The following PAN3 variants were observed in gnomAD, a reference collection of about 807,000 sequenced individuals.
PAN3 encodes PAN2-PAN3 deadenylation complex subunit PAN3.
A neutral mutation model predicts 96.2 loss-of-function variants in PAN3; 19 were observed. That is an observed-to-expected ratio of 0.20 (90% CI 0.14 to 0.29). The LOEUF (loss-of-function observed/expected upper bound fraction) is 0.29. Among genes scored for constraint, PAN3 ranks in the 10% least tolerant of loss-of-function variants. The pLI is 1.00. For missense variants in PAN3, 882 were observed against 1,108.1 expected (o/e 0.80, Z 2.90); for synonymous variants, 433 against 406.6 (o/e 1.06, Z -0.78).
chr13:28,167,077 T>C (rs1043671326), intron 1 of PAN3, among the ~76,000 whole-genome samples: 1 of 149,870 alleles, frequency 6.7e-6, no homozygotes, highest in Non-Finnish European at 1.5e-5. Flanking sequence ...TTATTTTTTA[T>C]CTTAATTTTT....
chr13:28,213,689 T>C (rs1277705374), intron 5 of PAN3, among the ~76,000 whole-genome samples: 3 of 146,668 alleles, frequency 2.0e-5, no homozygotes, highest in Admixed American at 6.7e-5. Context: ...AAGAAATGTT[T>C]TTGAAAAAAC....
intron 6 of PAN3, among the ~76,000 whole-genome samples, chr13:28,240,422 G>A (rs971914225): frequency 4.6e-5 from 7 of 152,026 alleles, no homozygotes; most frequent in African/African-American, 1.2e-4. Flanking sequence ...GTGTGATAAC[G>A]CATATAATTT....
chr13:28,233,918 G>T (rs76146740), intron 6 of PAN3, among the ~76,000 whole-genome samples: 1 of 152,140 alleles, frequency 6.6e-6, no homozygotes, highest in Non-Finnish European at 1.5e-5. Flanking sequence ...ATTAACCAAA[G>T]ATGTGTATCA....
Position 28,142,612 on chromosome 13 carries a change from C to T in PAN3, c.430+3525C>T, listed in dbSNP as rs190247322. On this transcript the variant is annotated intron_variant, in intron 1 of 18. Coordinates refer to ENST00000380958, the MANE Select transcript of PAN3 (RefSeq NM_175854.8). ...GTAGAGATGAGGTTTCCCCATGTTG[C>T]CCAGGCCGGTCTCAAACTTCTGGGC... Among the ~76,000 whole-genome samples the T allele has an allele frequency of 2.1e-3, 315 of 150,980 alleles. 2 individuals are homozygous for T. Among genetic ancestry groups the T allele is most frequent in the African/African-American group, 7.4e-3 (302 of 40,872 alleles).
chr13:28,258,804 A>G (rs1291280128), intron 7 of PAN3, among the ~76,000 whole-genome samples: 1 of 152,188 alleles, frequency 6.6e-6, no homozygotes, highest in Non-Finnish European at 1.5e-5. Context: ...AGTCCCTGAT[A>G]TAGAATGACA....
At position 28,248,672 on chromosome 13, in the gene PAN3, A is replaced by G. The variant is rs557095404; in HGVS notation, c.1001-7620A>G. Among the ~76,000 whole-genome samples, 30 of 152,150 alleles carry G rather than the reference A, an allele frequency of 2.0e-4. No individual in the cohort carries two copies. The South Asian group carries it at 3.3e-3, about 17-fold the overall frequency. On this transcript the variant is annotated intron_variant, in intron 6 of 18. Coordinates refer to ENST00000380958, the MANE Select transcript of PAN3 (RefSeq NM_175854.8). ...CCTGAGTAGCTGGGACTACAGGCGCATACCACCATACCCTAATTTTTTGAA... is the reference window on the plus strand; with the variant it reads ...CCTGAGTAGCTGGGACTACAGGCGCGTACCACCATACCCTAATTTTTTGAA...
At chr13:28,217,654 A>G (rs1033957357) in intron 5 of PAN3, among the ~76,000 whole-genome samples, 1 of 152,080 alleles carries the variant, frequency 6.6e-6, no homozygotes, top group Admixed American at 6.6e-5. Flanking sequence ...CTATTGAATG[A>G]ACATTAATTT....
chr13:28,279,511 G>C (rs982463342), intron 15 of PAN3, among the ~76,000 whole-genome samples: 1 of 152,054 alleles, frequency 6.6e-6, no homozygotes, highest in African/African-American at 2.4e-5. Context: ...TGTAATCCCA[G>C]TGCTTTGGGA....
chr13:28,148,175 C>T (rs1014779095), intron 1 of PAN3, among the ~76,000 whole-genome samples: 2 of 152,082 alleles, frequency 1.3e-5, no homozygotes, highest in African/African-American at 4.8e-5. Flanking sequence ...AGGCTGTTCT[C>T]TAACTCCTGG....
At chr13:28,185,228 T>C (rs1446323868) in intron 4 of PAN3, among the ~76,000 whole-genome samples, 1 of 152,174 alleles carries the variant, frequency 6.6e-6, no homozygotes, top group Non-Finnish European at 1.5e-5. Context: ...CTGTTGGTTA[T>C]CTCCAGTCTC....
intron 14 of PAN3, among the ~76,000 whole-genome samples, chr13:28,276,457 T>G (rs1204432788): frequency 1.3e-5 from 2 of 152,190 alleles, no homozygotes; most frequent in Admixed American, 6.5e-5. Context: ...CCATACTGTT[T>G]CCTGGAGTTA....
At chr13:28,152,200 G>C (rs1451609375) in intron 1 of PAN3, among the ~76,000 whole-genome samples, 2 of 152,008 alleles carry the variant, frequency 1.3e-5, no homozygotes, top group Non-Finnish European at 2.9e-5. Context: ...TCATTTGACA[G>C]GTTAAAACTA....
At chr13:28,227,697 A>G (rs1217449534) in intron 6 of PAN3, among the ~76,000 whole-genome samples, 1 of 152,212 alleles carries the variant, frequency 6.6e-6, no homozygotes, top group African/African-American at 2.4e-5. Flanking sequence ...AGGACAGTAA[A>G]GAGACAGAAA....
At chr13:28,291,870 G>A (rs1258829038) in intron 18 of PAN3, among the ~76,000 whole-genome samples, 2 of 151,912 alleles carry the variant, frequency 1.3e-5, no homozygotes, top group African/African-American at 4.8e-5. Flanking sequence ...ATAAATTCAT[G>A]GTGTCTGATT....
upstream of PAN3, chr13:28,138,366 G>C (rs1294020541): frequency 5.4e-6 from 1 of 185,074 alleles, no homozygotes; most frequent in African/African-American, 2.3e-5. Flanking sequence ...CGAAGTCCCC[G>C]TCTGGGCCCG....
At chr13:28,164,717 T>A (rs1873315442) in intron 1 of PAN3, among the ~76,000 whole-genome samples, 1 of 152,244 alleles carries the variant, frequency 6.6e-6, no homozygotes, top group Non-Finnish European at 1.5e-5. Context: ...TTTTCCAAGT[T>A]TCTTGACCAT....
At chr13:28,203,450 T>C (rs186749783) in intron 5 of PAN3, among the ~76,000 whole-genome samples, 418 of 152,132 alleles carry the variant, frequency 2.7e-3, no homozygotes, top group Non-Finnish European at 5.0e-3. Context: ...ACTACAGGTA[T>C]GTGCAACTGT....
chr13:28,203,300 A>ATTAT lies in PAN3; in HGVS notation c.852+5966_852+5969dup, dbSNP rs1374170485. On this transcript the variant is annotated intron_variant, in intron 5 of 18. Transcript: ENST00000380958. Reference sequence around the variant, plus strand: ...GTAATTTATTTTAAGACTTTTCTATATTATTTATTTATTTACTTATTGAGA... The same window carrying ATTAT: ...GTAATTTATTTTAAGACTTTTCTATATTATTTATTTATTTATTTACTTATTGAGA... 4.2e-5 allele frequency among the ~76,000 whole-genome samples: 6 copies of ATTAT among 141,738 alleles called. No homozygotes were observed. The South Asian group carries it at 1.4e-3, about 32-fold the overall frequency. The allele number at this position is 141,738 out of a possible 152,430, so 93.0% of individuals were successfully genotyped here. A position where few individuals can be genotyped will look rare whatever the true frequency, so the allele number is the denominator to read the frequency against.
chr13:28,267,689 G>C (rs1158353211), intron 12 of PAN3, among the ~76,000 whole-genome samples: 1 of 152,152 alleles, frequency 6.6e-6, no homozygotes, highest in African/African-American at 2.4e-5. Context: ...GACAAGAGAA[G>C]TGAATGAGAG....
Sources: gnomAD v4.1 joint callset for allele counts (sites outside exome capture counted in the v4.1 genomes callset) on GRCh38, gnomAD v4.1.1 for gene constraint, MANE v1.5 for transcripts, NCBI Gene and HGNC (gene_info 2026-07-23, HGNC 2026-07-21) for gene names.